The following ARHGAP44 variants were observed in gnomAD, a reference collection of about 807,000 sequenced individuals.
ARHGAP44 encodes Rho GTPase activating protein 44, also known as rho GTPase-activating protein 44.
In ARHGAP44, 43 loss-of-function variants were observed where a neutral mutation model predicts 106.8. The ratio of observed to expected loss-of-function variants is 0.40; its 90% CI spans 0.32 to 0.52. ARHGAP44 has a LOEUF of 0.52. Among genes scored for constraint, ARHGAP44 ranks in the 20% least tolerant of loss-of-function variants. The pLI is 0.48. For synonymous variants in ARHGAP44, 439 were observed against 410.3 expected (o/e 1.07, Z -0.85); for missense variants, 866 against 1,050.5 (o/e 0.82, Z 2.43).
intron 6 of ARHGAP44, 54 bp from the exon 7 acceptor site, chr17:12,928,875 G>A: frequency 6.8e-7 from 1 of 1,474,784 alleles, no homozygotes; most frequent in Non-Finnish European, 9.3e-7. Flanking sequence ...TGCTCCCATG[G>A]GATCCCCAGG....
In ARHGAP44 at chr17:12,959,153, AG is replaced by A; in HGVS notation, c.1523+257del. On this transcript the variant is annotated intron_variant, in intron 16 of 20. Coordinates refer to ENST00000379672, the MANE Select transcript of ARHGAP44 (RefSeq NM_014859.6). The stretch of plus-strand genomic sequence containing the variant: ...TATTAATTAGTTCTCATCAAAAGAA[AG>A]AAAAAGTAGTCACTGAGTGCAATTA... The A allele has an allele frequency of 1.1e-5, 5 of 446,728 alleles. No homozygotes were observed. The South Asian group carries it at 1.5e-4, about 13-fold the overall frequency. The allele number at this position is 446,728 out of a possible 1,614,324, so 27.7% of individuals were successfully genotyped here.
At chr17:12,868,591 TTATATATATATATA>T (rs1209692482) in intron 1 of ARHGAP44, among the ~76,000 whole-genome samples, 39 of 47,156 alleles carry the variant, frequency 8.3e-4, no homozygotes, top group Middle Eastern at 0.013. Flanking sequence ...TATATGCATT[TTATATATATATATA>T]TATATATATA....
At chr17:12,987,234 T>C (rs1598169816) in intron 20 of ARHGAP44, 4 of 1,279,968 alleles carry the variant, frequency 3.1e-6, no homozygotes, top group African/African-American at 1.5e-5. Flanking sequence ...TCCTCGTCTC[T>C]GCATGTGGCT....
At chr17:12,968,031 G>A (rs2039434959) in intron 16 of ARHGAP44, among the ~76,000 whole-genome samples, 1 of 152,182 alleles carries the variant, frequency 6.6e-6, no homozygotes, top group African/African-American at 2.4e-5. Flanking sequence ...GAATCATTCT[G>A]AGCATTGAAC....
chr17:12,859,947 A>G (rs1284904509), intron 1 of ARHGAP44, among the ~76,000 whole-genome samples: 1 of 152,170 alleles, frequency 6.6e-6, no homozygotes, highest in Non-Finnish European at 1.5e-5. Context: ...TGAAAAAAAA[A>G]TTTACTATGA....
At chr17:12,813,208 T>C (rs1215384348) in intron 1 of ARHGAP44, among the ~76,000 whole-genome samples, 1 of 152,104 alleles carries the variant, frequency 6.6e-6, no homozygotes, top group African/African-American at 2.4e-5. Flanking sequence ...GGGAAGGAAA[T>C]TGAACGGTTT....
intron 18 of ARHGAP44, among the ~76,000 whole-genome samples, chr17:12,976,776 T>C (rs2143370456): frequency 6.6e-6 from 1 of 152,202 alleles, no homozygotes; most frequent in South Asian, 2.1e-4. Context: ...GGCTGTGTAA[T>C]TGCTAGGCCA....
At chr17:12,893,253 T>C (rs898133665) in intron 1 of ARHGAP44, among the ~76,000 whole-genome samples, 1 of 152,168 alleles carries the variant, frequency 6.6e-6, no homozygotes, top group South Asian at 2.1e-4. Context: ...GGTTCTCTAC[T>C]GGGCCTCCAC....
chr17:12,915,919 G>A lies in ARHGAP44; in HGVS notation c.295G>A (p.Gly99Arg). ...TTACAGGAAGATGCTGAAACTCTGT[G>A]GAGAGACGGAGGACAAGCTGGCTCA... is the stretch of plus-strand genomic sequence containing the variant. ...TLLGKMLKLC[G>R]ETEDKLAQEL... Residue 99 changes from glycine to arginine, a missense_variant, in exon 5 of 21, where the codon GGA becomes AGA. This residue lies in a region of ARHGAP44 where 448 missense variants were observed against 646.9 expected (regional missense o/e 0.69). Coordinates refer to ENST00000379672, the MANE Select transcript of ARHGAP44 (RefSeq NM_014859.6). 6.2e-7 allele frequency: 1 copy of A among 1,613,828 alleles called. No individual in the cohort carries two copies. Among genetic ancestry groups the A allele is most frequent in the Non-Finnish European group, 8.5e-7 (1 of 1,179,806 alleles).
At chr17:12,968,773 T>TTTC (rs752639979) in intron 16 of ARHGAP44, among the ~76,000 whole-genome samples, 13,460 of 121,686 alleles carry the variant, frequency 0.11, 668 homozygotes, top group Middle Eastern at 0.24. Context: ...ATTTCTTTTC[T>TTTC]TTTTTTTTTT....
chr17:12,841,311 T>C (rs2035383182), intron 1 of ARHGAP44, among the ~76,000 whole-genome samples: 1 of 152,072 alleles, frequency 6.6e-6, no homozygotes, highest in Admixed American at 6.5e-5. Flanking sequence ...ACCTAGTCTT[T>C]GGAGGGGCCA....
At chr17:12,816,876 A>G (rs924870411) in intron 1 of ARHGAP44, among the ~76,000 whole-genome samples, 8 of 152,312 alleles carry the variant, frequency 5.3e-5, no homozygotes, top group Middle Eastern at 3.4e-3. Context: ...TAGCAAGGAC[A>G]TAGAAGAACT....
chr17:12,835,030 A>G (rs1004205364), intron 1 of ARHGAP44, among the ~76,000 whole-genome samples: 100 of 152,344 alleles, frequency 6.6e-4, no homozygotes, highest in African/African-American at 2.3e-3. Flanking sequence ...AAGGTCTGAA[A>G]AACCAAATGC....
rs1488894492 is a variant in ARHGAP44 at position 12,958,689 on chromosome 17, A to C, written c.1343-28A>C. 1 of 1,609,258 alleles carries C rather than the reference A, an allele frequency of 6.2e-7. No individual in the cohort carries two copies. The highest frequency in any genetic ancestry group is 1.3e-5 in the African/African-American group (1 of 74,842). ...GAAGGGTGTGGCAGACCAAGAGTTC[A>C]CATGTACCAATTCTTTCTTCCCCGC... On this transcript the variant is annotated intron_variant, in intron 15 of 20. Transcript: ENST00000379672. This position sits in a 1 kb window ranked among gnomAD's most constrained non-coding sequence, Gnocchi z 4.1.
chr17:12,985,845 A>C (rs891663072), intron 20 of ARHGAP44: 5 of 152,294 alleles, frequency 3.3e-5, no homozygotes, highest in African/African-American at 1.2e-4. Flanking sequence ...TGTTGTCCCA[A>C]GTAGCAGAAG....
chr17:12,932,568 A>G (rs1050465520), intron 7 of ARHGAP44, among the ~76,000 whole-genome samples: 35 of 152,198 alleles, frequency 2.3e-4, no homozygotes, highest in African/African-American at 8.2e-4. Flanking sequence ...CCCTTTGGAC[A>G]TCTTCTACAC....
intron 1 of ARHGAP44, among the ~76,000 whole-genome samples, chr17:12,843,342 A>T (rs1041721674): frequency 6.6e-6 from 1 of 152,086 alleles, no homozygotes; most frequent in Non-Finnish European, 1.5e-5. Context: ...TTCTCTTCAG[A>T]TCTATGGTAT....
At position 12,991,622 on chromosome 17, in the gene ARHGAP44, A is replaced by AAAAT. The variant is rs553257515; in HGVS notation, c.*1453_*1456dup. 94 of 185,750 alleles carry AAAAT rather than the reference A, an allele frequency of 5.1e-4. No homozygotes were observed. The highest frequency in any genetic ancestry group is 3.5e-3 in the Admixed American group (56 of 16,118). The allele number at this position is 185,750 out of a possible 1,614,324, so 11.5% of individuals were successfully genotyped here. ...AATCGTTGTCAAAAGTAACGTTATTAAAATAGATTTATTATCCCTGAGCTT... is the reference window on the plus strand; with the variant it reads ...AATCGTTGTCAAAAGTAACGTTATTAAAATAAATAGATTTATTATCCCTGAGCTT... On this transcript the variant is annotated 3_prime_UTR_variant, in exon 21 of 21. Coordinates refer to ENST00000379672, the MANE Select transcript of ARHGAP44 (RefSeq NM_014859.6).
intron 1 of ARHGAP44, among the ~76,000 whole-genome samples, chr17:12,802,856 T>A (rs2034138103): frequency 7.2e-6 from 1 of 139,120 alleles, no homozygotes; most frequent in Non-Finnish European, 1.5e-5. Flanking sequence ...CCTCCCGGGT[T>A]CAAGTGATTC....
Sources: gnomAD v4.1 joint callset for allele counts (sites outside exome capture counted in the v4.1 genomes callset) on GRCh38, gnomAD v4.1.1 for gene constraint, gnomAD v4.1.1 regional missense constraint, Gnocchi (gnomAD v3.1) non-coding constraint, MANE v1.5 for transcripts, NCBI Gene and HGNC (gene_info 2026-07-23, HGNC 2026-07-21) for gene names.